Variants in PDE1C observed in about 807,000 individuals in gnomAD.
The protein encoded by PDE1C is phosphodiesterase 1C.
A neutral mutation model predicts 93.1 loss-of-function variants in PDE1C; 62 were observed. That is an observed-to-expected ratio of 0.67 (90% CI 0.54 to 0.82). PDE1C has a LOEUF of 0.82. Ranked by LOEUF, PDE1C falls within the 40% of genes least tolerant of loss-of-function variation. PDE1C has a pLI of 0.00. For missense variants in PDE1C, 742 were observed against 884.6 expected, an observed-to-expected ratio of 0.84 and a Z score of 2.04; for synonymous variants, 325 against 310.1, an observed-to-expected ratio of 1.05 and a Z score of -0.50.
chr7:31,809,662 T>C (rs1293685584), intron 15 of PDE1C, among the ~76,000 whole-genome samples: 1 of 152,108 alleles, frequency 6.6e-6, no homozygotes, highest in Non-Finnish European at 1.5e-5. Context: ...AACCCACTTA[T>C]GAGGGAATAG....
At chr7:31,826,048 C>A (rs1394837195) in intron 12 of PDE1C, among the ~76,000 whole-genome samples, 2 of 152,130 alleles carry the variant, frequency 1.3e-5, no homozygotes, top group African/African-American at 4.8e-5. Context: ...CCCAACAGCT[C>A]AGACACCCAA....
At chr7:32,427,407 C>T (rs1246538475) in intron 1 of PDE1C, among the ~76,000 whole-genome samples, 1 of 152,176 alleles carries the variant, frequency 6.6e-6, no homozygotes, top group Non-Finnish European at 1.5e-5. Flanking sequence ...AAGTCTTCCC[C>T]CAACTGCACA....
chr7:31,794,842 A>G (rs1397360175), intron 16 of PDE1C, among the ~76,000 whole-genome samples: 1 of 151,978 alleles, frequency 6.6e-6, no homozygotes, highest in African/African-American at 2.4e-5. Flanking sequence ...AGTCCTTCAG[A>G]TCAGTAAGTG....
intron 17 of PDE1C, among the ~76,000 whole-genome samples, chr7:31,769,114 A>T (rs1327924619): frequency 6.6e-6 from 1 of 152,088 alleles, no homozygotes; most frequent in East Asian, 1.9e-4. Context: ...TTTTTTAATG[A>T]AAGTCTGTCT....
At chr7:31,711,094 A>T in the PDE1C span, among the ~76,000 whole-genome samples, 2 of 152,192 alleles carry the variant, frequency 1.3e-5, no homozygotes. Flanking sequence ...CTTCCTGAGA[A>T]GGAACAACAG....
intron 1 of PDE1C, among the ~76,000 whole-genome samples, chr7:32,271,564 T>C (rs958286237): frequency 2.0e-5 from 3 of 152,160 alleles, no homozygotes; most frequent in Non-Finnish European, 4.4e-5. Flanking sequence ...GAAGAAGATA[T>C]AGTAGCAGAT....
At chr7:32,117,827 C>T (rs1055013226) in intron 3 of PDE1C, among the ~76,000 whole-genome samples, 7 of 152,112 alleles carry the variant, frequency 4.6e-5, no homozygotes, top group Admixed American at 1.3e-4. Context: ...AAATTGGTCT[C>T]GTACTTTTAA....
chr7:32,086,564 A>G (rs1259913306), intron 3 of PDE1C, among the ~76,000 whole-genome samples: 4 of 152,068 alleles, frequency 2.6e-5, no homozygotes, highest in Admixed American at 2.0e-4. Context: ...CTAAGCCAAA[A>G]GAACAAAGCT....
chr7:31,869,405 A>T (rs1463233554), intron 6 of PDE1C, among the ~76,000 whole-genome samples: 1 of 152,070 alleles, frequency 6.6e-6, no homozygotes, highest in East Asian at 1.9e-4. Flanking sequence ...ACACATGTAG[A>T]CTGAAAAGAA....
intron 2 of PDE1C, among the ~76,000 whole-genome samples, chr7:32,019,729 C>T (rs994695574): frequency 3.3e-5 from 5 of 151,942 alleles, no homozygotes; most frequent in Non-Finnish European, 7.4e-5. Context: ...TTGTGATTGA[C>T]TGTATATAGG....
At chr7:31,921,351 G>A (rs751049772) in intron 2 of PDE1C, among the ~76,000 whole-genome samples, 1 of 152,160 alleles carries the variant, frequency 6.6e-6, no homozygotes, top group Non-Finnish European at 1.5e-5. Flanking sequence ...TGTAGTTAGC[G>A]ATTCTGAAAG....
intron 16 of PDE1C, among the ~76,000 whole-genome samples, chr7:31,776,008 AG>A (rs1000628956): frequency 3.3e-5 from 5 of 152,022 alleles, no homozygotes; most frequent in African/African-American, 7.2e-5. Flanking sequence ...TTAGGATCAC[AG>A]GGGAAGTTTT....
chr7:32,371,114 G>C (rs1276547564), intron 1 of PDE1C, among the ~76,000 whole-genome samples: 1 of 151,762 alleles, frequency 6.6e-6, no homozygotes, highest in Admixed American at 6.6e-5. Flanking sequence ...GTTCCTTCCA[G>C]TCTCTGGTTC....
intron 1 of PDE1C, among the ~76,000 whole-genome samples, chr7:32,420,112 T>TATATATATAC (rs1554320683): frequency 3.8e-4 from 10 of 26,222 alleles, no homozygotes; most frequent in Middle Eastern, 0.016. Context: ...TATATATATA[T>TATATATATAC]ATATATATAT....
chr7:32,341,178 T>TTTATTTTTTATTTTTTA (rs1562682190), intron 1 of PDE1C, among the ~76,000 whole-genome samples: 12 of 110,570 alleles, frequency 1.1e-4, no homozygotes, highest in African/African-American at 3.9e-4. Flanking sequence ...AAAGTCTTTT[T>TTTATTTTTTATTTTTTA]TTTTTTTTTT....
chr7:31,822,110 C>A (rs1000798301), intron 14 of PDE1C, among the ~76,000 whole-genome samples: 1 of 152,050 alleles, frequency 6.6e-6, no homozygotes, highest in Non-Finnish European at 1.5e-5. Context: ...CCTTCCCCTG[C>A]CACAAGATTG....
At chr7:32,309,708 T>C (rs896977390) in intron 1 of PDE1C, among the ~76,000 whole-genome samples, 2 of 152,170 alleles carry the variant, frequency 1.3e-5, no homozygotes, top group Non-Finnish European at 2.9e-5. Flanking sequence ...CTGAGAGATT[T>C]TGTCACCACC....
chr7:31,818,907 G>A (rs936779537), intron 14 of PDE1C, among the ~76,000 whole-genome samples: 3 of 152,122 alleles, frequency 2.0e-5, no homozygotes, highest in Non-Finnish European at 4.4e-5. Context: ...AATATTATCT[G>A]AGCAAGAGAA....
chr7:31,654,560 A>G, the PDE1C span, among the ~76,000 whole-genome samples: 3 of 152,110 alleles, frequency 2.0e-5, no homozygotes, highest in African/African-American at 4.8e-5. Context: ...CCCAGCTAGG[A>G]GGCTGTTGCT....
Sources: allele counts gnomAD v4.1 joint callset (sites outside exome capture counted in the v4.1 genomes callset), GRCh38; gene constraint gnomAD v4.1.1; transcripts MANE v1.5; gene names NCBI Gene and HGNC (gene_info 2026-07-23, HGNC 2026-07-21).